The following ABHD2 variants were observed in gnomAD, a reference collection of about 807,000 sequenced individuals.
The protein encoded by ABHD2 is monoacylglycerol lipase ABHD2.
In ABHD2, 20 loss-of-function variants were observed where a neutral mutation model predicts 48.1. The observed-to-expected ratio is 0.42, with a 90% confidence interval of 0.29 to 0.60. ABHD2 has a LOEUF of 0.60. Among genes scored for constraint, ABHD2 ranks in the 20% least tolerant of loss-of-function variants. The pLI is 0.24. For synonymous variants in ABHD2, 209 were observed against 214.2 expected (o/e 0.98, Z 0.21); for missense variants, 405 against 550.9 (o/e 0.74, Z 2.65).
intron 10 of ABHD2, among the ~76,000 whole-genome samples, chr15:89,194,507 T>C: frequency 6.6e-6 from 1 of 152,214 alleles, no homozygotes; most frequent in East Asian, 1.9e-4. Flanking sequence ...CCACTTAGCA[T>C]GTGGCGTTGA....
chr15:89,121,733 T>C (rs2050054673), intron 3 of ABHD2, among the ~76,000 whole-genome samples: 1 of 152,180 alleles, frequency 6.6e-6, no homozygotes, highest in Non-Finnish European at 1.5e-5. Context: ...GCCTGTGAAG[T>C]ACCTGACCTT....
At chr15:89,062,358 G>A in the ABHD2 span, among the ~76,000 whole-genome samples, 2 of 151,872 alleles carry the variant, frequency 1.3e-5, no homozygotes, top group Non-Finnish European at 2.9e-5. Flanking sequence ...GTTTGTTTTT[G>A]TGTGGGGGGG....
chr15:89,076,048 C>G, the ABHD2 span, among the ~76,000 whole-genome samples: 1 of 152,202 alleles, frequency 6.6e-6, no homozygotes, highest in Non-Finnish European at 1.5e-5. Flanking sequence ...AGCTCATGCT[C>G]CACCCACACG....
chr15:89,121,566 A>G (rs1053467703), intron 3 of ABHD2, among the ~76,000 whole-genome samples: 1 of 151,770 alleles, frequency 6.6e-6, no homozygotes, highest in Non-Finnish European at 1.5e-5. Flanking sequence ...CTGTGTAACT[A>G]CCAGTCCCTT....
rs530004755 is a variant in ABHD2, at chr15:89,197,574, A to G, written c.*2151A>G. On this transcript the variant is annotated 3_prime_UTR_variant, in exon 11 of 11. Coordinates refer to ENST00000352732, the MANE Select transcript of ABHD2 (RefSeq NM_152924.5). This position sits in a 1 kb window ranked among gnomAD's most constrained non-coding sequence, Gnocchi z 4.4. ...CCCAGAAGAGCGAGAGGCTCCTTTC[A>G]TATGCCTGAGGCCACACCCCTTAAC... is the stretch of plus-strand genomic sequence containing the variant. 1 of 152,308 alleles carries G rather than the reference A, an allele frequency of 6.6e-6. No individual in the cohort carries two copies. The allele number at this position is 152,308 out of a possible 1,614,324, so 9.4% of individuals were successfully genotyped here.
the ABHD2 span, among the ~76,000 whole-genome samples, chr15:89,081,550 A>G: frequency 3.9e-5 from 6 of 152,190 alleles, no homozygotes; most frequent in Non-Finnish European, 1.5e-5. Context: ...TTAAAAACAT[A>G]AATTTAAAAT....
At chr15:89,136,856 A>G (rs2050322145) in intron 3 of ABHD2, among the ~76,000 whole-genome samples, 1 of 152,228 alleles carries the variant, frequency 6.6e-6, no homozygotes, top group Non-Finnish European at 1.5e-5. Flanking sequence ...GAAGTAGCCA[A>G]AAGGCACTGT....
chr15:89,162,677 C>T (rs897443652), intron 5 of ABHD2, among the ~76,000 whole-genome samples: 1 of 152,154 alleles, frequency 6.6e-6, no homozygotes. Flanking sequence ...TGACTCCTCT[C>T]CCTCATCTAA....
In ABHD2 at chr15:89,167,019, CA is replaced by C. The variant is rs1449688848; in HGVS notation, c.539-8792del. On this transcript the variant is annotated intron_variant, in intron 5 of 10. Coordinates refer to ENST00000352732, the MANE Select transcript of ABHD2 (RefSeq NM_152924.5). This position sits in a 1 kb window ranked among gnomAD's most constrained non-coding sequence, Gnocchi z 5.5. ...TTCATAACTTTATTAATAACTGCAT[CA>C]GAACAATACATTCCAGGACCCTCTT... Among the ~76,000 whole-genome samples, 1 of 152,146 alleles carries C rather than the reference CA, an allele frequency of 6.6e-6. No homozygotes were observed. The highest frequency in any genetic ancestry group is 1.9e-4 in the East Asian group (1 of 5,192).
At chr15:89,159,886 T>G (rs773468777) in intron 5 of ABHD2, among the ~76,000 whole-genome samples, 3 of 152,252 alleles carry the variant, frequency 2.0e-5, no homozygotes, top group Non-Finnish European at 4.4e-5. Context: ...AATGGGTGTC[T>G]TCTTCTAGCC....
chr15:89,047,282 T>C, the ABHD2 span, among the ~76,000 whole-genome samples: 2 of 150,896 alleles, frequency 1.3e-5, no homozygotes, highest in South Asian at 4.2e-4. Context: ...TAATTTCTGT[T>C]CTTTTACATT....
At chr15:89,163,680 G>A (rs2050795977) in intron 5 of ABHD2, among the ~76,000 whole-genome samples, 1 of 152,138 alleles carries the variant, frequency 6.6e-6, no homozygotes, top group African/African-American at 2.4e-5. Context: ...CAGGTGTGAT[G>A]TTTGAGTATT....
chr15:89,075,589 G>A, the ABHD2 span, among the ~76,000 whole-genome samples: 2 of 152,128 alleles, frequency 1.3e-5, no homozygotes, highest in African/African-American at 2.4e-5. The surrounding 1 kb of genome is among the most constrained non-coding windows in gnomAD (Gnocchi z 4.1). Context: ...ATGCTGAAGG[G>A]CCTCCTGTAC....
chr15:89,117,520 TG>T (rs1181741967), intron 3 of ABHD2, among the ~76,000 whole-genome samples: 1 of 152,254 alleles, frequency 6.6e-6, no homozygotes, highest in Non-Finnish European at 1.5e-5. Flanking sequence ...TCGTGCACAG[TG>T]GGTCTGAATT....
chr15:89,145,044 G>T lies in ABHD2; in HGVS notation c.195-6633G>T, dbSNP rs1399732639. On this transcript the variant is annotated intron_variant, in intron 3 of 10. Transcript: ENST00000352732. ...GGCCAAGGCAGGCAGATCACTTGAG[G>T]TCATGAGTTTGAGACCAGCCTGGCC... Among the ~76,000 whole-genome samples the T allele has an allele frequency of 3.3e-5, 5 of 152,190 alleles. No individual in the cohort carries two copies. In the East Asian group the frequency reaches 7.7e-4, roughly 23 times the overall value.
At chr15:89,076,538 C>A in the ABHD2 span, among the ~76,000 whole-genome samples, 2 of 152,150 alleles carry the variant, frequency 1.3e-5, no homozygotes, top group African/African-American at 4.8e-5. Flanking sequence ...GGCTGGAGTG[C>A]AGTGGTGCGA....
chr15:89,134,342 C>T (rs1206695338), intron 3 of ABHD2, among the ~76,000 whole-genome samples: 1 of 152,064 alleles, frequency 6.6e-6, no homozygotes, highest in African/African-American at 2.4e-5. Context: ...AGGTGTGGCT[C>T]CAACATAATT....
the ABHD2 span, chr15:89,075,519 GGGA>G: frequency 3.3e-5 from 5 of 152,408 alleles, no homozygotes; most frequent in Non-Finnish European, 7.3e-5. This position sits in a 1 kb window ranked among gnomAD's most constrained non-coding sequence, Gnocchi z 4.1. Context: ...GGGTGTGAAG[GGGA>G]GGAGAAGGAG....
chr15:89,151,525 C>A lies in ABHD2; in HGVS notation c.195-152C>A. ...AATGGGGAAAGGCGGTAAATCATGG[C>A]ACGGATGTAACGTAATAAAAGCCTC... On this transcript the variant is annotated intron_variant, in intron 3 of 10. Coordinates refer to ENST00000352732, the MANE Select transcript of ABHD2 (RefSeq NM_152924.5). This position sits in a 1 kb window ranked among gnomAD's most constrained non-coding sequence, Gnocchi z 4.7. The A allele has an allele frequency of 1.3e-6, 1 of 766,340 alleles. No homozygotes were observed. The highest frequency in any genetic ancestry group is 2.1e-6 in the Non-Finnish European group (1 of 484,396). 47.5% of individuals were successfully genotyped at this position (766,340 alleles called of 1,614,324 possible). A position where few individuals can be genotyped will look rare whatever the true frequency, so the allele number is the denominator to read the frequency against.
Sources: allele counts gnomAD v4.1 joint callset (sites outside exome capture counted in the v4.1 genomes callset), GRCh38; gene constraint gnomAD v4.1.1; non-coding constraint Gnocchi (gnomAD v3.1); transcripts MANE v1.5; gene names NCBI Gene and HGNC (gene_info 2026-07-23, HGNC 2026-07-21).